The following ROBO2 variants were observed in gnomAD, a reference collection of about 807,000 sequenced individuals.
ROBO2 encodes roundabout homolog 2.
A neutral mutation model predicts 160.8 loss-of-function variants in ROBO2; 53 were observed. The observed-to-expected ratio is 0.33, with a 90% CI of 0.26 to 0.41. ROBO2 has a LOEUF of 0.41. ROBO2 is among the 10% of genes least tolerant of loss of function. The pLI is 1.00. For missense variants in ROBO2, 1,577 were observed against 1,722.4 expected, an observed-to-expected ratio of 0.92 and a Z score of 1.49; for synonymous variants, 664 against 611.7, an observed-to-expected ratio of 1.09 and a Z score of -1.26.
intron 1 of ROBO2, among the ~76,000 whole-genome samples, chr3:75,925,385 G>T (rs566682322): frequency 6.6e-6 from 1 of 152,200 alleles, no homozygotes; most frequent in South Asian, 2.1e-4. Flanking sequence ...ATGAGACCCT[G>T]TCTCCATTCA....
At chr3:75,996,423 G>T (rs1457248080) in intron 2 of ROBO2, among the ~76,000 whole-genome samples, 1 of 152,104 alleles carries the variant, frequency 6.6e-6, no homozygotes, top group African/African-American at 2.4e-5. Flanking sequence ...ATGATTGTAA[G>T]ATTCGTGTGG....
At position 76,009,035 on chromosome 3, in the gene ROBO2, A is replaced by G. The variant is rs144071164; in HGVS notation, c.109+71433A>G. Among the ~76,000 whole-genome samples the G allele has an allele frequency of 7.0e-4, 107 of 152,262 alleles. 1 individual carries two copies. Among genetic ancestry groups the G allele is most frequent in the East Asian group, 3.7e-3 (19 of 5,170 alleles). Reference sequence around the variant, plus strand: ...ATTACTTTCTGCATCCCAGTGTGACATTCCTTCTCTCCAGATATGAGGCAC... The same window carrying G: ...ATTACTTTCTGCATCCCAGTGTGACGTTCCTTCTCTCCAGATATGAGGCAC... On this transcript the variant is annotated intron_variant, in intron 2 of 26. Transcript: ENST00000487694.
At chr3:76,670,633 T>C (rs2092230270) in intron 2 of ROBO2, among the ~76,000 whole-genome samples, 1 of 152,114 alleles carries the variant, frequency 6.6e-6, no homozygotes, top group African/African-American at 2.4e-5. Flanking sequence ...TGACTATCTC[T>C]GTCTTGCTCA....
chr3:76,066,510 T>C (rs2068259948), intron 2 of ROBO2, among the ~76,000 whole-genome samples: 1 of 152,014 alleles, frequency 6.6e-6, no homozygotes, highest in Non-Finnish European at 1.5e-5. Context: ...CTAATAAGTT[T>C]TTGCAAAAAC....
intron 2 of ROBO2, among the ~76,000 whole-genome samples, chr3:77,420,840 C>G (rs1581802174): frequency 1.3e-5 from 2 of 152,222 alleles, no homozygotes; most frequent in South Asian, 4.1e-4. Context: ...TTATCAAATG[C>G]TATATCATTG....
At chr3:76,677,956 T>C (rs2092453255) in intron 2 of ROBO2, among the ~76,000 whole-genome samples, 1 of 138,544 alleles carries the variant, frequency 7.2e-6, no homozygotes, top group Non-Finnish European at 1.5e-5. Flanking sequence ...AAAGAAAATA[T>C]GCTTTTTTTT....
chr3:76,928,247 A>T (rs2149035527), intron 2 of ROBO2, among the ~76,000 whole-genome samples: 1 of 152,282 alleles, frequency 6.6e-6, no homozygotes, highest in East Asian at 1.9e-4. Context: ...AGTGGACTCT[A>T]GAAGTCAGAA....
At chr3:77,102,671 G>A (rs773784055) in intron 2 of ROBO2, among the ~76,000 whole-genome samples, 13 of 151,828 alleles carry the variant, frequency 8.6e-5, no homozygotes, top group Non-Finnish European at 1.9e-4. Flanking sequence ...CATCTGTCTT[G>A]ACTGATTTTT....
chr3:77,604,079 AC>A (rs2094480375), intron 20 of ROBO2: 1 of 151,962 alleles, frequency 6.6e-6, no homozygotes, highest in Non-Finnish European at 1.5e-5. Flanking sequence ...AGGAGATGGA[AC>A]CCTTTCAGTC....
At chr3:76,274,302 A>T (rs1331209150) in intron 2 of ROBO2, among the ~76,000 whole-genome samples, 1 of 152,170 alleles carries the variant, frequency 6.6e-6, no homozygotes, top group East Asian at 1.9e-4. Flanking sequence ...ATACATATGT[A>T]ACTAACCTGC....
chr3:76,782,370 G>A (rs192479878), intron 2 of ROBO2, among the ~76,000 whole-genome samples: 2 of 150,702 alleles, frequency 1.3e-5, no homozygotes, highest in Admixed American at 6.6e-5. Context: ...ACTGCTGTTT[G>A]ATAAAAAACT....
chr3:76,244,959 A>G (rs903149756), intron 2 of ROBO2, among the ~76,000 whole-genome samples: 1 of 152,200 alleles, frequency 6.6e-6, no homozygotes, highest in Non-Finnish European at 1.5e-5. Flanking sequence ...TACACAAAAT[A>G]GGTTCTGTTT....
chr3:76,427,092 G>T (rs553475301), intron 2 of ROBO2, among the ~76,000 whole-genome samples: 1 of 152,074 alleles, frequency 6.6e-6, no homozygotes, highest in Non-Finnish European at 1.5e-5. Flanking sequence ...TGTGCTAGTC[G>T]AAATTGATCA....
intron 23 of ROBO2, chr3:77,631,580 G>A (rs969032722): frequency 1.3e-5 from 2 of 152,058 alleles, no homozygotes; most frequent in East Asian, 1.9e-4. Flanking sequence ...TTATTAAGTA[G>A]GAGGTTATGT....
intron 2 of ROBO2, among the ~76,000 whole-genome samples, chr3:76,570,917 T>A (rs551840977): frequency 8.1e-4 from 123 of 152,294 alleles, no homozygotes; most frequent in African/African-American, 2.9e-3. Flanking sequence ...GAAATATCTG[T>A]TAATTTTCTT....
chr3:76,450,863 G>A (rs1345479208), intron 2 of ROBO2, among the ~76,000 whole-genome samples: 1 of 152,074 alleles, frequency 6.6e-6, no homozygotes, highest in South Asian at 2.1e-4. Context: ...TTTTATTAGA[G>A]ATAATGTTTT....
At chr3:76,594,734 C>T (rs1578391645) in intron 2 of ROBO2, among the ~76,000 whole-genome samples, 1 of 151,844 alleles carries the variant, frequency 6.6e-6, no homozygotes, top group Non-Finnish European at 1.5e-5. Context: ...ATTTAATTGC[C>T]AAATAAATAA....
In ROBO2 at chr3:77,012,421, A is replaced by T. The variant is rs2061976971; in HGVS notation, c.110-85593A>T. 2.0e-5 allele frequency among the ~76,000 whole-genome samples: 3 copies of T among 152,220 alleles called. No individual in the cohort carries two copies. The South Asian group carries it at 6.2e-4, about 32-fold the overall frequency. On this transcript the variant is annotated intron_variant, in intron 2 of 26. Coordinates refer to the ROBO2 transcript ENST00000487694. ...AAACAAAAGTTCATGCTCATAAATT[A>T]CAAAAGTTAAATGATTCAATGACAC... is the stretch of plus-strand genomic sequence containing the variant.
chr3:77,316,674 AAT>A, intron 2 of ROBO2: 1 of 696,960 alleles, frequency 1.4e-6, no homozygotes. Context: ...CCAGTCATAC[AAT>A]ATTAAAAGGT....
Sources: allele counts gnomAD v4.1 joint callset (sites outside exome capture counted in the v4.1 genomes callset), GRCh38; gene constraint gnomAD v4.1.1; transcripts MANE v1.5; gene names NCBI Gene and HGNC (gene_info 2026-07-23, HGNC 2026-07-21).